The following PTK2 variants were observed in gnomAD, a reference collection of about 807,000 sequenced individuals.
The protein encoded by PTK2 is focal adhesion kinase 1.
Under a neutral mutation model 150.1 loss-of-function variants are expected in PTK2, and 45 were observed. The observed-to-expected ratio is 0.30, with a 90% CI of 0.24 to 0.38. The LOEUF (loss-of-function observed/expected upper bound fraction) is 0.38. Among genes scored for constraint, PTK2 ranks in the 10% least tolerant of loss-of-function variants. The probability of loss-of-function intolerance (pLI) is 1.00; values close to 1 mark genes in which losing one functional copy is unlikely to be tolerated. For synonymous variants in PTK2, 432 were observed against 449.2 expected, an observed-to-expected ratio of 0.96 and a Z score of 0.48; for missense variants, 919 against 1,307.3, an observed-to-expected ratio of 0.70 and a Z score of 4.58.
intron 2 of PTK2, among the ~76,000 whole-genome samples, chr8:140,900,607 A>G (rs115549041): frequency 0.019 from 2,964 of 152,012 alleles, 103 homozygotes; most frequent in African/African-American, 0.067. Context: ...CTGTAATCCC[A>G]GCTACTCGAG....
At chr8:140,780,383 G>A (rs551963301) in intron 14 of PTK2, among the ~76,000 whole-genome samples, 58 of 152,208 alleles carry the variant, frequency 3.8e-4, no homozygotes, top group Non-Finnish European at 5.9e-4. Context: ...CATCACCTAA[G>A]AAGTATTCTT....
chr8:140,787,354 G>A (rs2100085560), intron 14 of PTK2, among the ~76,000 whole-genome samples: 1 of 152,272 alleles, frequency 6.6e-6, no homozygotes, highest in Admixed American at 6.5e-5. Context: ...CTATCTTATA[G>A]GCCCTTTGTT....
At chr8:140,697,852 G>GTTTTTTTTTTTTTT (rs71308981) in intron 26 of PTK2, among the ~76,000 whole-genome samples, 1 of 47,968 alleles carries the variant, frequency 2.1e-5, no homozygotes, top group Non-Finnish European at 3.5e-5. Context: ...AGGGTTTACT[G>GTTTTTTTTTTTTTT]TTTTTTTTTT....
intron 7 of PTK2, among the ~76,000 whole-genome samples, chr8:140,835,365 T>G (rs1180526866): frequency 1.3e-5 from 2 of 152,208 alleles, no homozygotes; most frequent in African/African-American, 2.4e-5. Context: ...CTCAAATACT[T>G]AAAACCCAGG....
At chr8:140,681,307 C>G (rs2100016762) in intron 27 of PTK2, among the ~76,000 whole-genome samples, 1 of 151,450 alleles carries the variant, frequency 6.6e-6, no homozygotes, top group Non-Finnish European at 1.5e-5. Context: ...GAGCCGAGAT[C>G]CTGCCACTGC....
At chr8:140,927,975 A>AAAAAAAAAAAAAAAAAAAATATATATAT in intron 1 of PTK2, among the ~76,000 whole-genome samples, 3 of 48,198 alleles carry the variant, frequency 6.2e-5, no homozygotes, top group Non-Finnish European at 1.0e-4. Flanking sequence ...AAAAAAAAAA[A>AAAAAAAAAAAAAAAAAAAATATATATAT]ATATATATAT....
In PTK2 at chr8:140,759,884, T is replaced by C. The variant is rs563750696; in HGVS notation, c.1332+1281A>G. Among the ~76,000 whole-genome samples, 4 of 150,112 alleles carry C rather than the reference T, an allele frequency of 2.7e-5. No homozygotes were observed. In the South Asian group the frequency reaches 8.5e-4, roughly 32 times the overall value. ...ACACACACAAACAATAGTTACCATA[T>C]GATGAAGCAATTCCACTAATAGGCA... On this transcript the variant is annotated intron_variant, in intron 16 of 31. Coordinates refer to ENST00000522684, the Ensembl canonical transcript of PTK2.
chr8:140,722,765 A>C (rs1419984545), intron 22 of PTK2, among the ~76,000 whole-genome samples: 1 of 152,194 alleles, frequency 6.6e-6, no homozygotes, highest in Non-Finnish European at 1.5e-5. Flanking sequence ...GAGTTTGTAA[A>C]AGTTTTAGTT....
chr8:140,913,651 C>T (rs1018998960), intron 2 of PTK2, among the ~76,000 whole-genome samples: 1 of 151,848 alleles, frequency 6.6e-6, no homozygotes, highest in African/African-American at 2.4e-5. Flanking sequence ...CAAAAAACAC[C>T]CAGACCACCA....
chr8:140,871,854 G>GT (rs2100142723), intron 4 of PTK2, among the ~76,000 whole-genome samples: 1 of 152,076 alleles, frequency 6.6e-6, no homozygotes, highest in South Asian at 2.1e-4. Context: ...ACTCCAGCCT[G>GT]TTTAACAAGG....
chr8:140,928,379 C>T (rs1047691532), intron 1 of PTK2, among the ~76,000 whole-genome samples: 1 of 152,136 alleles, frequency 6.6e-6, no homozygotes, highest in Non-Finnish European at 1.5e-5. Flanking sequence ...GGTACAACTG[C>T]TATGGAAAAC....
At chr8:140,772,857 G>T (rs956120350) in intron 14 of PTK2, among the ~76,000 whole-genome samples, 1 of 152,178 alleles carries the variant, frequency 6.6e-6, no homozygotes, top group Non-Finnish European at 1.5e-5. Flanking sequence ...AAAAATAAAA[G>T]ATATATGGAA....
At chr8:140,691,880 G>A (rs2100023415) in intron 26 of PTK2, among the ~76,000 whole-genome samples, 1 of 152,212 alleles carries the variant, frequency 6.6e-6, no homozygotes, top group South Asian at 2.1e-4. Context: ...CGAGGAACTT[G>A]ACTTAGAAAG....
At chr8:140,934,721 T>C (rs1268488189) in intron 1 of PTK2, 1 of 152,214 alleles carries the variant, frequency 6.6e-6, no homozygotes, top group East Asian at 1.9e-4. Context: ...TTTAAACAAG[T>C]AGTGTTTATC....
chr8:140,991,484 C>A (rs2100195674), intron 1 of PTK2, among the ~76,000 whole-genome samples: 1 of 152,136 alleles, frequency 6.6e-6, no homozygotes, highest in African/African-American at 2.4e-5. Context: ...AAATCCCTAA[C>A]AAAAGCAGTT....
intron 1 of PTK2, among the ~76,000 whole-genome samples, chr8:140,998,263 C>T (rs1250392312): frequency 6.6e-6 from 1 of 152,082 alleles, no homozygotes; most frequent in African/African-American, 2.4e-5. Flanking sequence ...AAAACTGAAA[C>T]TTTATAAACA....
chr8:140,920,675 C>A, intron 2 of PTK2: 1 of 814,372 alleles, frequency 1.2e-6, no homozygotes, highest in Non-Finnish European at 1.8e-6. Context: ...AGCTGTAAAC[C>A]CATACCAAAT....
chr8:140,666,314 G>A (rs1420793423), intron 30 of PTK2, among the ~76,000 whole-genome samples: 3 of 151,992 alleles, frequency 2.0e-5, no homozygotes, highest in Non-Finnish European at 4.4e-5. Context: ...CTCCAGCCTG[G>A]GAGCCTGGGT....
intron 26 of PTK2, among the ~76,000 whole-genome samples, chr8:140,691,794 GCA>G (rs1409930830): frequency 6.6e-6 from 1 of 152,208 alleles, no homozygotes; most frequent in East Asian, 1.9e-4. Flanking sequence ...GCAGCATTGT[GCA>G]CATAGATGTG....
Sources: allele counts gnomAD v4.1 joint callset (sites outside exome capture counted in the v4.1 genomes callset), GRCh38; gene constraint gnomAD v4.1.1; transcripts MANE v1.5; gene names NCBI Gene and HGNC (gene_info 2026-07-23, HGNC 2026-07-21).